Variants in CPPED1 observed in about 807,000 individuals in gnomAD.
CPPED1 encodes the protein calcineurin like phosphoesterase domain containing 1, also known as serine/threonine-protein phosphatase CPPED1.
A neutral mutation model predicts 28.0 loss-of-function variants in CPPED1; 28 were observed. That is an observed-to-expected ratio of 1.00 (90% CI 0.74 to 1.37). The LOEUF is 1.37. Ranked by LOEUF, CPPED1 falls within the 40% of genes most tolerant of loss-of-function variation. CPPED1 has a pLI of 0.00. For synonymous variants in CPPED1, 198 were observed against 180.2 expected, an observed-to-expected ratio of 1.10 and a Z score of -0.79; for missense variants, 504 against 416.5, an observed-to-expected ratio of 1.21 and a Z score of -1.83.
chr16:12,761,427 C>G (rs2080409519), intron 2 of CPPED1, among the ~76,000 whole-genome samples: 1 of 152,134 alleles, frequency 6.6e-6, no homozygotes, highest in Non-Finnish European at 1.5e-5. Flanking sequence ...GTTTGGTCAT[C>G]TGCAAAAAGG....
intron 3 of CPPED1, among the ~76,000 whole-genome samples, chr16:12,665,563 G>T (rs2079821042): frequency 6.6e-6 from 1 of 152,072 alleles, no homozygotes; most frequent in African/African-American, 2.4e-5. Context: ...AGGCCAAGAT[G>T]GGTGGATCAC....
chr16:12,749,378 C>A (rs1274902740), intron 2 of CPPED1, among the ~76,000 whole-genome samples: 1 of 152,188 alleles, frequency 6.6e-6, no homozygotes, highest in Non-Finnish European at 1.5e-5. Context: ...CGCAACTCCT[C>A]ATCTGTTCAA....
intron 2 of CPPED1, among the ~76,000 whole-genome samples, chr16:12,780,574 G>C (rs2080524112): frequency 6.6e-6 from 1 of 152,050 alleles, no homozygotes; most frequent in Admixed American, 6.6e-5. Context: ...CCACTATCTA[G>C]AGAGAGCCTG....
intron 3 of CPPED1, among the ~76,000 whole-genome samples, chr16:12,676,356 T>C (rs2141169647): frequency 6.6e-6 from 1 of 152,186 alleles, no homozygotes; most frequent in East Asian, 1.9e-4. Flanking sequence ...GAGAAAGAGC[T>C]ACTCATAACA....
chr16:12,726,464 T>C (rs544867727), intron 2 of CPPED1, among the ~76,000 whole-genome samples: 64 of 149,850 alleles, frequency 4.3e-4, no homozygotes, highest in African/African-American at 1.5e-3. Flanking sequence ...TACCTCAGCC[T>C]CCCAAGTAGC....
chr16:12,705,198 G>T, intron 2 of CPPED1, 149 bp from the exon 3 acceptor site: 1 of 854,752 alleles, frequency 1.2e-6, no homozygotes, highest in Non-Finnish European at 1.7e-6. Flanking sequence ...ATGCAGTCAC[G>T]TGCTAAAAGC....
At chr16:12,743,221 T>G (rs2080265652) in intron 2 of CPPED1, among the ~76,000 whole-genome samples, 1 of 152,288 alleles carries the variant, frequency 6.6e-6, no homozygotes, top group Non-Finnish European at 1.5e-5. Flanking sequence ...TCTCTGCTAG[T>G]GAAGTCTTTT....
intron 2 of CPPED1, 74 bp downstream of exon 2, chr16:12,781,111 T>A: frequency 7.1e-7 from 1 of 1,404,714 alleles, no homozygotes. Flanking sequence ...AAGCAAAATC[T>A]TTTTTTCTCC....
chr16:12,668,471 G>C (rs1169615718), intron 3 of CPPED1, among the ~76,000 whole-genome samples: 1 of 152,160 alleles, frequency 6.6e-6, no homozygotes, highest in African/African-American at 2.4e-5. Context: ...TCTTTAAAAT[G>C]TTTGGGCATA....
At chr16:12,705,387 C>T (rs2080044478) in intron 2 of CPPED1, among the ~76,000 whole-genome samples, 1 of 152,124 alleles carries the variant, frequency 6.6e-6, no homozygotes, top group Non-Finnish European at 1.5e-5. Context: ...CTTGGGGAGG[C>T]TGAGGTGGGA....
chr16:12,694,737 G>A (rs996419401), intron 3 of CPPED1, among the ~76,000 whole-genome samples: 1 of 130,832 alleles, frequency 7.6e-6, no homozygotes, highest in Admixed American at 7.9e-5. Flanking sequence ...AAGGTGGGGG[G>A]GGGGGCGGGG....
chr16:12,719,166 C>T (rs1344596015), intron 2 of CPPED1, among the ~76,000 whole-genome samples: 8 of 152,002 alleles, frequency 5.3e-5, no homozygotes, highest in African/African-American at 1.2e-4. Context: ...CTGAGGTGGG[C>T]GGATCACAAG....
In CPPED1 at chr16:12,785,727, C is replaced by G. The variant is rs78395848; in HGVS notation, c.71-4324G>C. 9.7e-4 allele frequency among the ~76,000 whole-genome samples: 147 copies of G among 152,274 alleles called. 2 individuals carry two copies. In the East Asian group the frequency reaches 0.026, roughly 27 times the overall value. ...GGGATTATAGGCATGAGCCACCACA[C>G]TCAGATGAAAGTGACCTCTTAACAA... is the stretch of plus-strand genomic sequence containing the variant. On this transcript the variant is annotated intron_variant, in intron 1 of 3. Coordinates refer to ENST00000381774, the MANE Select transcript of CPPED1 (RefSeq NM_018340.3).
intron 2 of CPPED1, chr16:12,757,387 C>T (rs929799683): frequency 1.3e-5 from 2 of 151,954 alleles, no homozygotes; most frequent in Non-Finnish European, 2.9e-5. Flanking sequence ...CAGGGTTTGC[C>T]TACCAGAACT....
At chr16:12,723,721 C>T (rs897516204) in intron 2 of CPPED1, among the ~76,000 whole-genome samples, 3 of 152,190 alleles carry the variant, frequency 2.0e-5, no homozygotes, top group Non-Finnish European at 4.4e-5. Flanking sequence ...GAGGTGTGGT[C>T]GGAGCAGCTG....
intron 3 of CPPED1, among the ~76,000 whole-genome samples, chr16:12,680,668 T>C (rs1389357903): frequency 6.6e-6 from 1 of 152,080 alleles, no homozygotes; most frequent in Non-Finnish European, 1.5e-5. Context: ...GCTTGCTGTA[T>C]CATCAGCATG....
chr16:12,702,229 G>T (rs951502379), intron 3 of CPPED1, among the ~76,000 whole-genome samples: 2 of 152,046 alleles, frequency 1.3e-5, no homozygotes, highest in African/African-American at 4.8e-5. Context: ...GGCCCTTGGT[G>T]GGTGGTCAAC....
chr16:12,769,892 A>C (rs57923630), intron 2 of CPPED1, among the ~76,000 whole-genome samples: 24,013 of 152,128 alleles, frequency 0.16, 2,460 homozygotes, highest in African/African-American at 0.29. Context: ...AAATCCTGGC[A>C]TTTCTTGGAG....
chr16:12,704,367 G>A (rs1439280291), intron 3 of CPPED1, among the ~76,000 whole-genome samples: 5 of 152,090 alleles, frequency 3.3e-5, no homozygotes, highest in African/African-American at 9.7e-5. Context: ...TGTCTTGGAG[G>A]CCTTTCTCAT....
Sources: gnomAD v4.1 joint callset for allele counts (sites outside exome capture counted in the v4.1 genomes callset) on GRCh38, gnomAD v4.1.1 for gene constraint, MANE v1.5 for transcripts, NCBI Gene and HGNC (gene_info 2026-07-23, HGNC 2026-07-21) for gene names.